The following MAP10 variants were observed in gnomAD, a reference collection of about 807,000 sequenced individuals.
The protein encoded by MAP10 is microtubule associated protein 10, also known as microtubule-associated protein 10.
A neutral mutation model predicts 6.3 loss-of-function variants in MAP10; 10 were observed. That is an observed-to-expected ratio of 1.58 (90% CI 0.98 to 2.69). The LOEUF is 2.69. Ranked by LOEUF, MAP10 falls within the 30% of genes most tolerant of loss-of-function variation. MAP10 has a pLI of 0.00. For synonymous variants in MAP10, 459 were observed against 429.3 expected, an observed-to-expected ratio of 1.07 and a Z score of -0.86; for missense variants, 1,189 against 1,086.5, an observed-to-expected ratio of 1.09 and a Z score of -1.33.
In MAP10 at chr1:232,809,433, A is replaced by G. The variant is rs1319619582; in HGVS notation, c.*1266A>G. 1.3e-5 allele frequency among the ~76,000 whole-genome samples: 2 copies of G among 152,056 alleles called. No individual in the cohort carries two copies. The highest frequency in any genetic ancestry group is 4.8e-5 in the African/African-American group (2 of 41,440). On this transcript the variant is annotated 3_prime_UTR_variant, in exon 1 of 1. Transcript: ENST00000418460. ...AGGATGTTACATTTTGGGGAGCAAT[A>G]TGAATAAAAGAGTGATGGGAATGAG... is the stretch of plus-strand genomic sequence containing the variant.
rs1030897331 is a variant in MAP10 at position 232,809,646 on chromosome 1, A to C, written c.*1479A>C. 6.6e-6 allele frequency among the ~76,000 whole-genome samples: 1 copy of C among 152,124 alleles called. No individual in the cohort carries two copies. Among genetic ancestry groups the C allele is most frequent in the East Asian group, 1.9e-4 (1 of 5,208 alleles). ...AGATTATTTTAGGTTATAAATGAGC[A>C]CTAGTAAGTAGTCATGACATTTTGA... On this transcript the variant is annotated 3_prime_UTR_variant, in exon 1 of 1. Coordinates refer to ENST00000418460, the MANE Select transcript of MAP10 (RefSeq NM_019090.3).
rs774130125 is a variant in MAP10, at chr1:232,806,787, A to G, written c.1338A>G (p.Glu446=). 56 of 1,613,632 alleles carry G rather than the reference A, an allele frequency of 3.5e-5. No homozygotes were observed. Among genetic ancestry groups the G allele is most frequent in the Non-Finnish European group, 4.7e-5 (56 of 1,179,854 alleles). The change falls in exon 1 of 1, where the codon GAA becomes GAG. Residue 446 remains glutamate (E), a synonymous_variant. Transcript: ENST00000418460. The part of the protein sequence containing the change: ...ESSAKSTCRS[E]AKKDKRSVGG... ...CTGCCAAATCCACATGCCGGTCTGA[A>G]GCCAAGAAGGATAAGCGTTCTGTGG...
At position 232,805,758 on chromosome 1, in the gene MAP10, C is replaced by T. The variant is rs751492439; in HGVS notation, c.309C>T (p.Thr103=). Residue 103 remains threonine, a synonymous_variant, in exon 1 of 1, where the codon ACC becomes ACT. Coordinates refer to ENST00000418460, the MANE Select transcript of MAP10 (RefSeq NM_019090.3). The part of the protein sequence containing the change: ...KSCLFRLQPA[T]LHCRLLRTPL... ...GCCTCTTCCGCCTGCAGCCTGCTAC[C>T]CTGCACTGCCGGCTCCTGCGGACCC... 4 of 1,603,408 alleles carry T rather than the reference C, an allele frequency of 2.5e-6. No individual in the cohort carries two copies. Among genetic ancestry groups the T allele is most frequent in the Non-Finnish European group, 3.4e-6 (4 of 1,177,156 alleles).
Position 232,806,801 on chromosome 1 carries a change from A to C in MAP10, c.1352A>C (p.Lys451Thr), listed in dbSNP as rs368008854. Residue 451 changes from lysine to threonine, a missense_variant, in exon 1 of 1, where the codon AAG (lysine) becomes ACG (threonine). Lys to Thr is a moderately conservative substitution (Grantham distance 78). Coordinates refer to ENST00000418460, the MANE Select transcript of MAP10 (RefSeq NM_019090.3). Reference sequence around the variant, plus strand: ...TGCCGGTCTGAAGCCAAGAAGGATAAGCGTTCTGTGGGGGGATGTGAAAAG... The same window carrying C: ...TGCCGGTCTGAAGCCAAGAAGGATACGCGTTCTGTGGGGGGATGTGAAAAG... ...STCRSEAKKD[K>T]RSVGGCEKSV... 3 of 1,613,676 alleles carry C rather than the reference A, an allele frequency of 1.9e-6. No individual in the cohort carries two copies. The highest frequency in any genetic ancestry group is 2.5e-6 in the Non-Finnish European group (3 of 1,179,820).
chr1:232,807,244 G>GA, the MAP10 span: 1 of 1,612,430 alleles, frequency 6.2e-7, no homozygotes, highest in Non-Finnish European at 8.5e-7. Flanking sequence ...ATATGCAACT[G>GA]AAAAAAAGAC....
rs545302766 is a variant in MAP10, at chr1:232,806,529, C to T, written c.1080C>T (p.His360=). 3 of 1,613,866 alleles carry T rather than the reference C, an allele frequency of 1.9e-6. 1 individual carries two copies. Among genetic ancestry groups the T allele is most frequent in the African/African-American group, 2.7e-5 (2 of 75,044 alleles). ...SCLKHPSSAA[H]EHPPMLVNPP... is the part of the protein sequence containing the mutation. Reference sequence around the variant, plus strand: ...TAAAGCATCCAAGTTCTGCAGCACACGAACATCCTCCAATGCTTGTAAATC... The same window carrying T: ...TAAAGCATCCAAGTTCTGCAGCACATGAACATCCTCCAATGCTTGTAAATC... The change falls in exon 1 of 1, where the codon CAC becomes CAT. Residue 360 remains histidine (H), a synonymous_variant. Coordinates refer to ENST00000418460, the MANE Select transcript of MAP10 (RefSeq NM_019090.3).
In MAP10 at chr1:232,807,402, A is replaced by T. The variant is rs1285749951; in HGVS notation, c.1953A>T (p.Gln651His). 177 of 1,613,786 alleles carry T rather than the reference A, an allele frequency of 1.1e-4. No homozygotes were observed. Among genetic ancestry groups the T allele is most frequent in the Non-Finnish European group, 1.5e-4 (172 of 1,179,854 alleles). The change falls in exon 1 of 1, where the codon CAA becomes CAT. Residue 651 changes from glutamine (Q) to histidine (H), a missense_variant. By Grantham distance (24) the Gln-to-His change is conservative. Coordinates refer to ENST00000418460, the MANE Select transcript of MAP10 (RefSeq NM_019090.3). ...EMKIQSPCVF[Q>H]QDAVVDRIVD... Reference sequence around the variant, plus strand: ...AAATCCAAAGTCCATGTGTTTTCCAACAGGATGCTGTTGTTGACAGAATTG... The same window carrying T: ...AAATCCAAAGTCCATGTGTTTTCCATCAGGATGCTGTTGTTGACAGAATTG...
At position 232,806,353 on chromosome 1, in the gene MAP10, C is replaced by T. The variant is rs200508444; in HGVS notation, c.904C>T (p.Pro302Ser). The change falls in exon 1 of 1, where the codon CCT becomes TCT. Residue 302 changes from proline (P) to serine (S), a missense_variant. Physicochemically the swap from Pro to Ser is moderately conservative, Grantham distance 74 (BLOSUM62 -1). Transcript: ENST00000418460. ...LDMETNIFCP[P>S]PLYYTNLTQE... is the part of the protein sequence containing the mutation. Reference sequence around the variant, plus strand: ...CATGGAGACCAATATATTTTGCCCTCCTCCTTTGTATTACACTAACTTGAC... The same window carrying T: ...CATGGAGACCAATATATTTTGCCCTTCTCCTTTGTATTACACTAACTTGAC... The T allele has an allele frequency of 1.5e-4, 237 of 1,613,790 alleles. No homozygotes were observed. Among genetic ancestry groups the T allele is most frequent in the Non-Finnish European group, 1.8e-4 (216 of 1,179,878 alleles).
rs1666146837 is a variant in MAP10, at chr1:232,808,550, C to T, written c.*383C>T. The T allele has an allele frequency of 5.8e-6, 1 of 171,674 alleles. No homozygotes were observed. The highest frequency in any genetic ancestry group is 2.0e-4 in the South Asian group (1 of 4,998). 10.6% of individuals were successfully genotyped at this position (171,674 alleles called of 1,614,324 possible). Reference sequence around the variant, plus strand: ...TTATTTAACAAATATAGAAGACTTACTGTGTTAGATGCAGAAAGGTGCAGA... The same window carrying T: ...TTATTTAACAAATATAGAAGACTTATTGTGTTAGATGCAGAAAGGTGCAGA... On this transcript the variant is annotated 3_prime_UTR_variant, in exon 1 of 1. Transcript: ENST00000418460.
rs1666163191 is a variant in MAP10 at position 232,809,409 on chromosome 1, G to C, written c.*1242G>C. On this transcript the variant is annotated 3_prime_UTR_variant, in exon 1 of 1. Transcript: ENST00000418460. ...AGATAGATGGTAAAAAGAGAGAAGAGGATGTTACATTTTGGGGAGCAATAT... is the reference window on the plus strand; with the variant it reads ...AGATAGATGGTAAAAAGAGAGAAGACGATGTTACATTTTGGGGAGCAATAT... 6.6e-6 allele frequency among the ~76,000 whole-genome samples: 1 copy of C among 152,002 alleles called. No individual in the cohort carries two copies. The highest frequency in any genetic ancestry group is 6.5e-5 in the Admixed American group (1 of 15,270).
rs1483516570 is a variant in MAP10 at position 232,808,649 on chromosome 1, T to C, written c.*482T>C. On this transcript the variant is annotated 3_prime_UTR_variant, in exon 1 of 1. Transcript: ENST00000418460. ...TAGATAAGAAGTCTTCCTTGACATA[T>C]ACATATCCCATATCCCCAATAGGTG... Among the ~76,000 whole-genome samples the C allele has an allele frequency of 2.6e-5, 4 of 152,182 alleles. No homozygotes were observed. The highest frequency in any genetic ancestry group is 1.9e-4 in the East Asian group (1 of 5,206).
rs958532745 is a variant in MAP10 at position 232,806,497 on chromosome 1, A to T, written c.1048A>T (p.Ser350Cys). ...GCGTGTAAATCCCCCAGCACACAGG[A>T]GTTGTCTAAAGCATCCAAGTTCTGC... ...KKRVNPPAHRSCLKHPSSAAH... is the reference protein window; with the variant it reads ...KKRVNPPAHRCCLKHPSSAAH... Residue 350 changes from serine to cysteine, a missense_variant, in exon 1 of 1, where the codon AGT becomes TGT. Coordinates refer to ENST00000418460, the MANE Select transcript of MAP10 (RefSeq NM_019090.3). 1 of 1,613,828 alleles carries T rather than the reference A, an allele frequency of 6.2e-7. No individual in the cohort carries two copies. Among genetic ancestry groups the T allele is most frequent in the African/African-American group, 1.3e-5 (1 of 74,908 alleles).
Position 232,807,618 on chromosome 1 carries a change from C to G in MAP10, c.2169C>G (p.Phe723Leu). The change falls in exon 1 of 1, where the codon TTC becomes TTG. Residue 723 changes from phenylalanine (F) to leucine (L), a missense_variant. Physicochemically the swap from Phe to Leu is conservative, Grantham distance 22 (BLOSUM62 0). Coordinates refer to ENST00000418460, the MANE Select transcript of MAP10 (RefSeq NM_019090.3). ...CCAGTGAGGACACCAGCAGAAGTTT[C>G]AAAGCTCATGATAGCAGTTCAAGGA... ...FCTSEDTSRS[F>L]KAHDSSSRTE... 2 of 1,609,728 alleles carry G rather than the reference C, an allele frequency of 1.2e-6. No individual in the cohort carries two copies. The highest frequency in any genetic ancestry group is 2.2e-5 in the South Asian group (2 of 90,582).
chr1:232,807,767 A>C lies in MAP10; in HGVS notation c.2318A>C (p.His773Pro). 1 of 1,613,408 alleles carries C rather than the reference A, an allele frequency of 6.2e-7. No homozygotes were observed. The highest frequency in any genetic ancestry group is 8.5e-7 in the Non-Finnish European group (1 of 1,179,730). ...CCTTTTTCAGCCGGGTCACCTGTAC[A>C]CTCATACAGAAAATTTCATATTTCA... The part of the protein sequence containing the change: ...SPPFSAGSPV[H>P]SYRKFHISKT... Residue 773 changes from histidine to proline, a missense_variant, in exon 1 of 1, where the codon CAC becomes CCC. Physicochemically the swap from His to Pro is moderately conservative, Grantham distance 77. Transcript: ENST00000418460.
chr1:232,806,396 C>A lies in MAP10; in HGVS notation c.947C>A (p.Pro316His). The stretch of plus-strand genomic sequence containing the variant: ...AACTTGACCCAAGAAAAACCGCCCC[C>A]TGCACAGGCTAAAATCACCATTGAG... ...YTNLTQEKPPPAQAKITIEPQ... is the reference protein window; with the variant it reads ...YTNLTQEKPPHAQAKITIEPQ... Residue 316 changes from proline (P) to histidine (H), a missense_variant, in exon 1 of 1, where the codon CCT becomes CAT. Coordinates refer to ENST00000418460, the MANE Select transcript of MAP10 (RefSeq NM_019090.3). 6.2e-7 allele frequency: 1 copy of A among 1,613,920 alleles called. No individual in the cohort carries two copies. The highest frequency in any genetic ancestry group is 8.5e-7 in the Non-Finnish European group (1 of 1,179,888).
Position 232,806,417 on chromosome 1 carries a change from T to G in MAP10, c.968T>G (p.Ile323Ser), listed in dbSNP as rs201495236. The change falls in exon 1 of 1, where the codon ATT becomes AGT. Residue 323 changes from isoleucine to serine, a missense_variant. Transcript: ENST00000418460. ...KPPPAQAKITIEPQMNAPEEM... is the reference protein window; with the variant it reads ...KPPPAQAKITSEPQMNAPEEM... The stretch of plus-strand genomic sequence containing the variant: ...CCCCCTGCACAGGCTAAAATCACCA[T>G]TGAGCCTCAAATGAATGCACCTGAG... 268 of 1,613,712 alleles carry G rather than the reference T, an allele frequency of 1.7e-4. No homozygotes were observed. Among genetic ancestry groups the G allele is most frequent in the Non-Finnish European group, 2.2e-4 (259 of 1,179,876 alleles).
rs1666095839 is a variant in MAP10, at chr1:232,806,053, G to C, written c.604G>C (p.Gly202Arg). 1 of 1,613,882 alleles carries C rather than the reference G, an allele frequency of 6.2e-7. No homozygotes were observed. The highest frequency in any genetic ancestry group is 1.3e-5 in the African/African-American group (1 of 74,950). ...LERPLTFTRTGGGAEVSPQTQ... is the reference protein window; with the variant it reads ...LERPLTFTRTRGGAEVSPQTQ... ...GCGGCCCCTCACCTTCACCCGCACAGGAGGAGGAGCGGAGGTCAGTCCCCA... is the reference window on the plus strand; with the variant it reads ...GCGGCCCCTCACCTTCACCCGCACACGAGGAGGAGCGGAGGTCAGTCCCCA... Residue 202 changes from glycine (G) to arginine (R), a missense_variant, in exon 1 of 1, where the codon GGA (glycine) becomes CGA (arginine). Transcript: ENST00000418460.
In MAP10 at chr1:232,807,173, C is replaced by T. The variant is rs373400337; in HGVS notation, c.1724C>T (p.Thr575Ile). 3 of 1,613,070 alleles carry T rather than the reference C, an allele frequency of 1.9e-6. No homozygotes were observed. The highest frequency in any genetic ancestry group is 2.5e-6 in the Non-Finnish European group (3 of 1,179,402). Residue 575 changes from threonine to isoleucine, a missense_variant, in exon 1 of 1, where the codon ACC becomes ATC. Thr to Ile is a moderately conservative substitution (Grantham distance 89). Transcript: ENST00000418460. ...SDASFTENSD[T>I]SRQISGVFDE... ...GCATCTTTCACTGAAAATAGTGATA[C>T]CTCAAGACAAATCAGTGGAGTTTTT... is the stretch of plus-strand genomic sequence containing the variant.
At position 232,807,673 on chromosome 1, in the gene MAP10, A is replaced by G. The variant is rs762897012; in HGVS notation, c.2224A>G (p.Ser742Gly). ...TENPKHSQYT[S>G]KSSDTGVSKK... The stretch of plus-strand genomic sequence containing the variant: ...AAATCCAAAACATAGTCAATATACA[A>G]GCAAGTCTAGTGACACAGGAGTGTC... Residue 742 changes from serine (S) to glycine (G), a missense_variant, in exon 1 of 1, where the codon AGC (serine) becomes GGC (glycine). By Grantham distance (56) the Ser-to-Gly change is moderately conservative. Transcript: ENST00000418460. The G allele has an allele frequency of 8.7e-6, 14 of 1,612,654 alleles. No individual in the cohort carries two copies. Among genetic ancestry groups the G allele is most frequent in the East Asian group, 2.2e-5 (1 of 44,872 alleles).
Sources: allele counts gnomAD v4.1 joint callset (sites outside exome capture counted in the v4.1 genomes callset), GRCh38; gene constraint gnomAD v4.1.1; transcripts MANE v1.5; gene names NCBI Gene and HGNC (gene_info 2026-07-23, HGNC 2026-07-21).